The following FBXO47 variants were observed in gnomAD, a reference collection of about 807,000 sequenced individuals.
FBXO47 encodes the protein F-box only protein 47.
In FBXO47, 34 loss-of-function variants were observed where a neutral mutation model predicts 53.9. The observed-to-expected ratio is 0.63, with a 90% CI of 0.48 to 0.84. The LOEUF is 0.84. Ranked by LOEUF, FBXO47 falls within the 40% of genes least tolerant of loss-of-function variation. The pLI is 0.00. For synonymous variants in FBXO47, 165 were observed against 181.6 expected, an observed-to-expected ratio of 0.91 and a Z score of 0.73; for missense variants, 485 against 541.3, an observed-to-expected ratio of 0.90 and a Z score of 1.03.
chr17:38,947,028 ACAAATATATG>A (rs1478057471), intron 6 of FBXO47, among the ~76,000 whole-genome samples: 40 of 138,210 alleles, frequency 2.9e-4, no homozygotes, highest in African/African-American at 1.0e-3. Flanking sequence ...ATAAACATAT[ACAAATATATG>A]TAAATATATA....
chr17:38,941,620 T>TTATATATATATATATATATATATATA (rs3040090), intron 9 of FBXO47, among the ~76,000 whole-genome samples: 9 of 115,174 alleles, frequency 7.8e-5, no homozygotes, highest in Admixed American at 4.1e-4. Context: ...AAATATAATA[T>TTATATATATATATATATATATATATA]TATATATATA....
intron 9 of FBXO47, among the ~76,000 whole-genome samples, chr17:38,942,310 T>C (rs1165583085): frequency 6.6e-6 from 1 of 152,046 alleles, no homozygotes; most frequent in Admixed American, 6.6e-5. Context: ...TGTTTTAATA[T>C]TAGGCCAGGT....
At chr17:38,948,506 C>T (rs929180055) in intron 6 of FBXO47, among the ~76,000 whole-genome samples, 22 of 152,118 alleles carry the variant, frequency 1.4e-4, no homozygotes, top group Admixed American at 6.6e-4. Context: ...TGAGCCACCA[C>T]GCCCCGCCCC....
At chr17:38,954,519 T>A (rs1360347027) in intron 5 of FBXO47, among the ~76,000 whole-genome samples, 1 of 152,122 alleles carries the variant, frequency 6.6e-6, no homozygotes, top group Non-Finnish European at 1.5e-5. Flanking sequence ...TAGATACAGA[T>A]ACACGCATGC....
In FBXO47 at chr17:38,942,907, C is replaced by G; in HGVS notation, c.954G>C (p.Glu318Asp). 6.2e-7 allele frequency: 1 copy of G among 1,606,578 alleles called. No individual in the cohort carries two copies. Among genetic ancestry groups the G allele is most frequent in the Middle Eastern group, 1.7e-4 (1 of 6,020 alleles). ...LVDELSVVPR[E>D]WLLENNARLL... ...GACGTGCATTATTCTCTAGAAGCCA[C>G]TCACGGGGAACCACTTTTATTAGAG... The change falls in exon 9 of 11, where the codon GAG becomes GAC. Residue 318 changes from glutamate (E) to aspartate (D), a missense_variant. Glu to Asp is a conservative substitution (Grantham distance 45, BLOSUM62 2). Transcript: ENST00000378079.
At chr17:38,946,879 TATAA>T (rs1309804001) in intron 6 of FBXO47, among the ~76,000 whole-genome samples, 6 of 115,120 alleles carry the variant, frequency 5.2e-5, no homozygotes, top group African/African-American at 1.9e-4. Context: ...TAAACATATA[TATAA>T]ATATATATAT....
intron 4 of FBXO47, among the ~76,000 whole-genome samples, chr17:38,955,958 CAAAAAAAAAAA>C (rs34218216): frequency 6.6e-5 from 2 of 30,270 alleles, no homozygotes; most frequent in African/African-American, 1.3e-4. Flanking sequence ...ACTCCATCTC[CAAAAAAAAAAA>C]AAAAAAAAAA....
chr17:38,965,114 T>C (rs1464295438), intron 1 of FBXO47, among the ~76,000 whole-genome samples: 2 of 152,126 alleles, frequency 1.3e-5, no homozygotes, highest in Non-Finnish European at 2.9e-5. Context: ...CCTCCCAAAG[T>C]GCTGGGATTA....
intron 3 of FBXO47, among the ~76,000 whole-genome samples, chr17:38,961,204 C>G (rs1456654553): frequency 1.3e-5 from 2 of 152,288 alleles, no homozygotes; most frequent in African/African-American, 4.8e-5. Context: ...TTATTTAAAT[C>G]ACACCATCTT....
At chr17:38,954,713 T>C (rs1181357017) in intron 5 of FBXO47, 143 bp downstream of exon 5, 4 of 526,404 alleles carry the variant, frequency 7.6e-6, no homozygotes, top group Admixed American at 3.8e-5. Context: ...ACTATTAGAT[T>C]AATACATTCT....
At chr17:38,939,085 G>A (rs1325832706) in intron 9 of FBXO47, among the ~76,000 whole-genome samples, 1 of 151,620 alleles carries the variant, frequency 6.6e-6, no homozygotes, top group Non-Finnish European at 1.5e-5. Context: ...CCTGAGGTCA[G>A]GAGTTCGAGA....
At chr17:38,950,120 A>G (rs1185466932) in intron 6 of FBXO47, among the ~76,000 whole-genome samples, 2 of 152,038 alleles carry the variant, frequency 1.3e-5, no homozygotes, top group African/African-American at 2.4e-5. Context: ...ACTATTTCCG[A>G]AAGTTTTTCA....
chr17:38,943,723 C>A lies in FBXO47; in HGVS notation c.807G>T (p.Trp269Cys), dbSNP rs1462431490. The A allele has an allele frequency of 1.2e-6, 2 of 1,606,338 alleles. No homozygotes were observed. Among genetic ancestry groups the A allele is most frequent in the Non-Finnish European group, 1.7e-6 (2 of 1,177,882 alleles). The change falls in exon 8 of 11, where the codon TGG becomes TGT. Residue 269 changes from tryptophan (W) to cysteine (C), a missense_variant. Physicochemically the swap from Trp to Cys is radical, Grantham distance 215. Coordinates refer to ENST00000378079, the MANE Select transcript of FBXO47 (RefSeq NM_001008777.3). ...PISPQDGQVV[W>C]QEMIEEPTDE... ...CTGTAGGTTCTTCTATCATTTCCTGCCAAACCACCTGTCCTGAATTGAAAC... is the reference window on the plus strand; with the variant it reads ...CTGTAGGTTCTTCTATCATTTCCTGACAAACCACCTGTCCTGAATTGAAAC...
intron 6 of FBXO47, among the ~76,000 whole-genome samples, chr17:38,946,636 AT>A: frequency 1.4e-5 from 1 of 72,060 alleles, no homozygotes; most frequent in Non-Finnish European, 2.2e-5. Context: ...ATATGAATAT[AT>A]AAATATATAT....
intron 9 of FBXO47, among the ~76,000 whole-genome samples, chr17:38,941,381 G>A (rs1395811151): frequency 6.6e-6 from 1 of 151,094 alleles, no homozygotes. Context: ...CTTTGGCCAG[G>A]CTAGTTTCGA....
chr17:38,940,531 G>GCTA (rs1388403089), intron 9 of FBXO47, among the ~76,000 whole-genome samples: 1 of 151,748 alleles, frequency 6.6e-6, no homozygotes, highest in Non-Finnish European at 1.5e-5. Flanking sequence ...CTCACCTCCT[G>GCTA]CTACTCTTCT....
At position 38,967,342 on chromosome 17, in the gene FBXO47, A is replaced by T. The variant is rs2143986406; in HGVS notation, c.-140T>A. The T allele has an allele frequency of 6.6e-6, 1 of 152,172 alleles. No homozygotes were observed. The allele number at this position is 152,172 out of a possible 1,614,324, so 9.4% of individuals were successfully genotyped here. On this transcript the variant is annotated 5_prime_UTR_variant, in exon 1 of 11. Transcript: ENST00000378079. ...TTAGAAAAGAAAATATCTCCTCAAG[A>T]GCTTCCCGCCAGGAGGCGAGAGGGT... is the stretch of plus-strand genomic sequence containing the variant.
At chr17:38,938,547 T>C in intron 10 of FBXO47, 26 bp downstream of exon 10, 1 of 1,581,078 alleles carries the variant, frequency 6.3e-7, no homozygotes. Flanking sequence ...TACGCACACC[T>C]GTGCACCAAG....
At chr17:38,945,942 A>AT (rs1336011601) in intron 6 of FBXO47, among the ~76,000 whole-genome samples, 1 of 134,546 alleles carries the variant, frequency 7.4e-6, no homozygotes, top group African/African-American at 2.7e-5. Flanking sequence ...GCTCAAAAAA[A>AT]AAAAAAATAT....
Sources: gnomAD v4.1 joint callset for allele counts (sites outside exome capture counted in the v4.1 genomes callset) on GRCh38, gnomAD v4.1.1 for gene constraint, MANE v1.5 for transcripts, NCBI Gene and HGNC (gene_info 2026-07-23, HGNC 2026-07-21) for gene names.